Variants in CALN1 observed in about 807,000 individuals in gnomAD.
CALN1 encodes the protein calneuron 1.
A neutral mutation model predicts 30.6 loss-of-function variants in CALN1; 17 were observed. That is an observed-to-expected ratio of 0.56 (90% CI 0.38 to 0.83). The LOEUF (loss-of-function observed/expected upper bound fraction) is 0.83, where lower values mean the gene tolerates loss of function less well. Among genes scored for constraint, CALN1 ranks in the 40% least tolerant of loss-of-function variants. The pLI is 0.00. For missense variants in CALN1, 291 were observed against 354.9 expected (o/e 0.82, Z 1.45); for synonymous variants, 156 against 131.4 (o/e 1.19, Z -1.28).
chr7:72,264,441 C>G (rs1408910767), intron 3 of CALN1, among the ~76,000 whole-genome samples: 1 of 152,094 alleles, frequency 6.6e-6, no homozygotes, highest in Non-Finnish European at 1.5e-5. Context: ...AATTATAGAT[C>G]TGTCTGTAGA....
At chr7:72,353,439 G>T (rs1449841785) in intron 2 of CALN1, among the ~76,000 whole-genome samples, 2 of 151,954 alleles carry the variant, frequency 1.3e-5, no homozygotes, top group East Asian at 3.9e-4. Flanking sequence ...TCTAAAAGAT[G>T]AATCAATTTA....
At chr7:71,794,924 T>C (rs1584230981) in intron 6 of CALN1, among the ~76,000 whole-genome samples, 1 of 152,356 alleles carries the variant, frequency 6.6e-6, no homozygotes. Flanking sequence ...GCTTCCTGGC[T>C]CTGTTCCAGC....
At chr7:72,089,151 T>G (rs1437199041) in intron 4 of CALN1, among the ~76,000 whole-genome samples, 1 of 152,102 alleles carries the variant, frequency 6.6e-6, no homozygotes, top group African/African-American at 2.4e-5. Context: ...ATAACCACCT[T>G]ACATTAAAAT....
intron 2 of CALN1, among the ~76,000 whole-genome samples, chr7:72,366,577 C>T (rs115657458): frequency 1.4e-3 from 217 of 152,074 alleles, no homozygotes; most frequent in African/African-American, 4.9e-3. Context: ...TTTAGTGCAC[C>T]AGTCATCTGA....
At chr7:72,499,872 T>C in the CALN1 span, among the ~76,000 whole-genome samples, 8 of 73,062 alleles carry the variant, frequency 1.1e-4, 1 homozygote, top group Admixed American at 1.5e-4. Flanking sequence ...TTTCTTTCTT[T>C]CTTTCTTTCT....
intron 3 of CALN1, among the ~76,000 whole-genome samples, chr7:72,212,280 T>C (rs559310067): frequency 1.0e-4 from 15 of 143,030 alleles, no homozygotes; most frequent in African/African-American, 3.7e-4. Context: ...ACCCACGAGG[T>C]GGAGGACTGC....
intron 3 of CALN1, among the ~76,000 whole-genome samples, chr7:72,150,829 G>C (rs1787178078): frequency 6.6e-6 from 1 of 152,102 alleles, no homozygotes; most frequent in Non-Finnish European, 1.5e-5. Flanking sequence ...AAGTATACTT[G>C]TCCAGCATAG....
rs914139417 is a variant in CALN1, at chr7:71,781,171, G to A, written c.*6604C>T. The A allele has an allele frequency of 3.3e-5, 5 of 152,194 alleles. No individual in the cohort carries two copies. The highest frequency in any genetic ancestry group is 5.9e-5 in the Non-Finnish European group (4 of 68,026). 9.4% of individuals were successfully genotyped at this position (152,194 alleles called of 1,614,324 possible). A position where few individuals can be genotyped will look rare whatever the true frequency, so the allele number is the denominator to read the frequency against. ...ATCTTGTTTCAGACAAAATAGATGG[G>A]AGGGCTTGTCTGGTTTACTTTTCCT... On this transcript the variant is annotated 3_prime_UTR_variant, in exon 7 of 7. Transcript: ENST00000395275.
intron 3 of CALN1, among the ~76,000 whole-genome samples, chr7:72,135,864 G>A (rs1032931868): frequency 6.6e-6 from 1 of 152,128 alleles, no homozygotes; most frequent in East Asian, 1.9e-4. Context: ...TGGGTGCAGT[G>A]GCTCATGCCT....
At chr7:72,128,404 C>T (rs536785604) in intron 3 of CALN1, among the ~76,000 whole-genome samples, 2 of 152,234 alleles carry the variant, frequency 1.3e-5, no homozygotes, top group South Asian at 4.1e-4. Context: ...AATGAAACTG[C>T]ACTCCACAAT....
intron 1 of CALN1, among the ~76,000 whole-genome samples, chr7:72,446,408 G>C (rs1228764809): frequency 6.6e-6 from 1 of 151,936 alleles, no homozygotes; most frequent in Non-Finnish European, 1.5e-5. Context: ...CTAGAAGTGA[G>C]TTTCCTCAAA....
At chr7:72,475,930 C>CCT in the CALN1 span, among the ~76,000 whole-genome samples, 3,722 of 140,096 alleles carry the variant, frequency 0.027, 302 homozygotes, top group African/African-American at 0.091. Context: ...TCTCTCTCTC[C>CCT]CTCTCTCTCT....
At chr7:72,176,926 A>C (rs1789398785) in intron 3 of CALN1, among the ~76,000 whole-genome samples, 1 of 152,100 alleles carries the variant, frequency 6.6e-6, no homozygotes, top group African/African-American at 2.4e-5. Flanking sequence ...TCCCTTCCAA[A>C]ACCTCATCCT....
chr7:72,366,833 A>AC (rs1803904865), intron 2 of CALN1, among the ~76,000 whole-genome samples: 1 of 151,850 alleles, frequency 6.6e-6, no homozygotes, highest in African/African-American at 2.4e-5. Flanking sequence ...AACCAACAAA[A>AC]AAAAAGGTGT....
chr7:71,824,685 C>T (rs376418438), intron 5 of CALN1, among the ~76,000 whole-genome samples: 3 of 152,118 alleles, frequency 2.0e-5, no homozygotes, highest in African/African-American at 7.2e-5. Context: ...AGTTCTTTCT[C>T]CTCTGGAGAA....
chr7:71,791,946 G>A (rs946659828), intron 6 of CALN1, among the ~76,000 whole-genome samples: 1 of 152,098 alleles, frequency 6.6e-6, no homozygotes, highest in African/African-American at 2.4e-5. Context: ...GGGAGGCAGA[G>A]CTTGCAGTGA....
intron 3 of CALN1, among the ~76,000 whole-genome samples, chr7:72,153,016 T>C (rs1211534279): frequency 6.6e-6 from 1 of 152,156 alleles, no homozygotes; most frequent in East Asian, 1.9e-4. Flanking sequence ...AAGCAACCAC[T>C]AGAACAGGCT....
At chr7:71,993,884 A>G (rs1269070140) in intron 5 of CALN1, among the ~76,000 whole-genome samples, 3 of 152,192 alleles carry the variant, frequency 2.0e-5, no homozygotes, top group East Asian at 3.9e-4. Flanking sequence ...TAATTAAACT[A>G]ATGTACATTA....
At chr7:72,401,048 G>C (rs1282672311) in intron 2 of CALN1, among the ~76,000 whole-genome samples, 2 of 152,184 alleles carry the variant, frequency 1.3e-5, no homozygotes, top group African/African-American at 4.8e-5. Flanking sequence ...TTTGGGGTGA[G>C]AGGAGGGCCC....
Sources: gnomAD v4.1 joint callset for allele counts (sites outside exome capture counted in the v4.1 genomes callset) on GRCh38, gnomAD v4.1.1 for gene constraint, MANE v1.5 for transcripts, NCBI Gene and HGNC (gene_info 2026-07-23, HGNC 2026-07-21) for gene names.